Variants in EVA1C observed in about 807,000 individuals in gnomAD.
EVA1C encodes protein eva-1 homolog C.
EVA1C carries 25 observed loss-of-function variants against 45.4 expected under a neutral mutation model. The ratio of observed to expected loss-of-function variants is 0.55; its 90% CI spans 0.40 to 0.77. EVA1C has a LOEUF of 0.77. Ranked by LOEUF, EVA1C falls within the 30% of genes least tolerant of loss-of-function variation. The pLI is 0.00. For missense variants in EVA1C, 479 were observed against 554.8 expected (o/e 0.86, Z 1.37); for synonymous variants, 190 against 221.2 (o/e 0.86, Z 1.25).
intron 1 of EVA1C, among the ~76,000 whole-genome samples, chr21:32,448,916 G>GAAAGAAAGAAAGAA (rs60517808): frequency 6.9e-6 from 1 of 145,940 alleles, no homozygotes; most frequent in African/African-American, 2.6e-5. Context: ...AAGGAGAAAA[G>GAAAGAAAGAAAGAA]AGAGAAAGAA....
intron 1 of EVA1C, among the ~76,000 whole-genome samples, chr21:32,433,807 C>G (rs2146171838): frequency 6.6e-6 from 1 of 152,068 alleles, no homozygotes; most frequent in African/African-American, 2.4e-5. Context: ...CAACGGTAGT[C>G]AAGTTAAAAT....
At chr21:32,485,896 G>A (rs2036956457) in intron 4 of EVA1C, among the ~76,000 whole-genome samples, 1 of 152,134 alleles carries the variant, frequency 6.6e-6, no homozygotes, top group African/African-American at 2.4e-5. Context: ...TTTATTTCTT[G>A]GTCATATCAC....
rs1279989831 is a variant in EVA1C at position 32,501,515 on chromosome 21, A to G, written c.859+20A>G. ...AATATGGTAATTTTTATGGCTTACT[A>G]CCAGCATTTCTCTTTAAGTAAAGGT... On this transcript the variant is annotated intron_variant, in intron 6 of 7. Transcript: ENST00000300255. 3.8e-6 allele frequency: 6 copies of G among 1,593,422 alleles called. No individual in the cohort carries two copies. The Admixed American group carries it at 8.4e-5, about 22-fold the overall frequency.
chr21:32,505,980 T>C (rs1004368336), intron 7 of EVA1C, among the ~76,000 whole-genome samples: 1 of 151,990 alleles, frequency 6.6e-6, no homozygotes, highest in African/African-American at 2.4e-5. Context: ...GAGGACACCA[T>C]GGACAGCGGC....
At chr21:32,453,865 T>C (rs1423650810) in intron 2 of EVA1C, among the ~76,000 whole-genome samples, 1 of 152,158 alleles carries the variant, frequency 6.6e-6, no homozygotes, top group Non-Finnish European at 1.5e-5. Flanking sequence ...AAAGGGAAGG[T>C]AGGTTCTTTA....
rs1251783577 is a variant in EVA1C at position 32,478,700 on chromosome 21, G to C, written c.634+10852G>C. Among the ~76,000 whole-genome samples, 3 of 56,314 alleles carry C rather than the reference G, an allele frequency of 5.3e-5. No homozygotes were observed. The East Asian group carries it at 1.6e-3, about 29-fold the overall frequency. The allele number at this position is 56,314 out of a possible 152,430, so 36.9% of individuals were successfully genotyped here. ...AACAGCATTTTCACATGAGACAGGA[G>C]TGAGCTTTTCCCGAAGGCTGGGCCT... On this transcript the variant is annotated intron_variant, in intron 4 of 7. Transcript: ENST00000300255.
chr21:32,431,251 G>A (rs2034691606), intron 1 of EVA1C, among the ~76,000 whole-genome samples: 1 of 152,194 alleles, frequency 6.6e-6, no homozygotes, highest in South Asian at 2.1e-4. Context: ...CAAGGGATCT[G>A]ACCCAACGTC....
At chr21:32,506,543 C>T (rs898283735) in intron 7 of EVA1C, among the ~76,000 whole-genome samples, 5 of 151,918 alleles carry the variant, frequency 3.3e-5, no homozygotes, top group African/African-American at 1.2e-4. Flanking sequence ...AATGAAATCA[C>T]CACAAGAAGC....
chr21:32,424,376 G>GT lies in EVA1C; in HGVS notation c.160+11364dup, dbSNP rs1246242366. 3.9e-5 allele frequency among the ~76,000 whole-genome samples: 6 copies of GT among 152,242 alleles called. No homozygotes were observed. The South Asian group carries it at 1.2e-3, about 32-fold the overall frequency. ...GGAGATGACAGGTGGAAATGGGAAT[G>GT]TATGATCTTATCTAGAAGTCCAATT... is the stretch of plus-strand genomic sequence containing the variant. On this transcript the variant is annotated intron_variant, in intron 1 of 7. Transcript: ENST00000300255.
At chr21:32,455,508 C>T (rs555233912) in intron 2 of EVA1C, among the ~76,000 whole-genome samples, 4 of 152,144 alleles carry the variant, frequency 2.6e-5, no homozygotes, top group South Asian at 2.1e-4. Context: ...CTCTGTTGGG[C>T]GCCACCCCAG....
At chr21:32,416,090 G>A (rs1317588965) in intron 1 of EVA1C, among the ~76,000 whole-genome samples, 2 of 150,882 alleles carry the variant, frequency 1.3e-5, no homozygotes, top group African/African-American at 2.4e-5. Context: ...AGGGAGGGGT[G>A]CCCTCTTGAG....
At chr21:32,484,962 C>T (rs1301099784) in intron 4 of EVA1C, among the ~76,000 whole-genome samples, 3 of 152,102 alleles carry the variant, frequency 2.0e-5, no homozygotes, top group African/African-American at 7.2e-5. Flanking sequence ...TTTTACTGCA[C>T]AAGCATTGTT....
chr21:32,515,036 C>G lies in EVA1C; in HGVS notation c.1172C>G (p.Ser391Trp), dbSNP rs779127738. ...PSESDFPGELSGFCRTSYPIY... is the reference protein window; with the variant it reads ...PSESDFPGELWGFCRTSYPIY... ...GAGTCTGATTTCCCAGGGGAACTGT[C>G]GGGGTTCTGTAGGACTTCATATCCT... Residue 391 changes from serine to tryptophan, a missense_variant, in exon 8 of 8, where the codon TCG becomes TGG. Ser to Trp is a radical substitution (Grantham distance 177). Around this residue, in one of 3 missense-constraint regions of EVA1C, gnomAD observed 366 missense variants for 426.1 expected, o/e 0.86. Coordinates refer to ENST00000300255, the MANE Select transcript of EVA1C (RefSeq NM_058187.5). The G allele has an allele frequency of 1.2e-6, 2 of 1,614,064 alleles. No individual in the cohort carries two copies. The highest frequency in any genetic ancestry group is 3.3e-5 in the Admixed American group (2 of 60,026).
intron 1 of EVA1C, among the ~76,000 whole-genome samples, chr21:32,424,492 A>G (rs1487416758): frequency 6.6e-6 from 1 of 152,228 alleles, no homozygotes; most frequent in Non-Finnish European, 1.5e-5. Context: ...ACCCAAGTTC[A>G]GGCTTACATG....
chr21:32,465,642 C>T (rs1345159640), intron 3 of EVA1C, among the ~76,000 whole-genome samples: 1 of 152,054 alleles, frequency 6.6e-6, no homozygotes, highest in African/African-American at 2.4e-5. Context: ...GGATTACAGG[C>T]ACCCAACACC....
rs557153441 is a variant in EVA1C at position 32,457,816 on chromosome 21, A to G, written c.481+96A>G. The G allele has an allele frequency of 1.1e-5, 16 of 1,428,432 alleles. No individual in the cohort carries two copies. In the South Asian group the frequency reaches 1.5e-4, roughly 13 times the overall value. 88.5% of individuals were successfully genotyped at this position (1,428,432 alleles called of 1,614,324 possible). ...TTCTCTGCCCGTTGGCATTTGTCCA[A>G]CTTTGAAACTCATTAACAGACACAT... is the stretch of plus-strand genomic sequence containing the variant. On this transcript the variant is annotated intron_variant, in intron 3 of 7. Transcript: ENST00000300255.
At chr21:32,442,354 GA>G (rs2035207132) in intron 1 of EVA1C, among the ~76,000 whole-genome samples, 1 of 152,088 alleles carries the variant, frequency 6.6e-6, no homozygotes, top group Non-Finnish European at 1.5e-5. Context: ...GGGACTAGAG[GA>G]AGGACTTAAA....
intron 7 of EVA1C, among the ~76,000 whole-genome samples, chr21:32,509,435 C>T (rs2037873569): frequency 6.6e-6 from 1 of 152,134 alleles, no homozygotes; most frequent in Admixed American, 6.5e-5. Context: ...GGCAGGAGAA[C>T]CCAGACACCC....
At chr21:32,478,935 A>G (rs767054185) in intron 4 of EVA1C, among the ~76,000 whole-genome samples, 1 of 152,288 alleles carries the variant, frequency 6.6e-6, no homozygotes, top group Non-Finnish European at 1.5e-5. Context: ...TCAGCCAAAG[A>G]TCGAGGTGCC....
Sources: gnomAD v4.1 joint callset for allele counts (sites outside exome capture counted in the v4.1 genomes callset) on GRCh38, gnomAD v4.1.1 for gene constraint, gnomAD v4.1.1 regional missense constraint, MANE v1.5 for transcripts, NCBI Gene and HGNC (gene_info 2026-07-23, HGNC 2026-07-21) for gene names.